CCDC146: variants seen among roughly 807,000 people sequenced by gnomAD.
The protein encoded by CCDC146 is coiled-coil domain containing 146, also known as coiled-coil domain-containing protein 146.
A neutral mutation model predicts 119.3 loss-of-function variants in CCDC146; 92 were observed. The ratio of observed to expected loss-of-function variants is 0.77; its 90% CI spans 0.65 to 0.92. The LOEUF (loss-of-function observed/expected upper bound fraction) is 0.92, where lower values mean the gene tolerates loss of function less well. Ranked by LOEUF, CCDC146 falls within the 40% of genes least tolerant of loss-of-function variation. CCDC146 has a pLI of 0.00. For missense variants in CCDC146, 1,000 were observed against 1,103.0 expected, an observed-to-expected ratio of 0.91 and a Z score of 1.32; for synonymous variants, 372 against 371.8, an observed-to-expected ratio of 1.00 and a Z score of -0.01.
chr7:77,258,699 G>A (rs1381940114), intron 6 of CCDC146, among the ~76,000 whole-genome samples: 1 of 152,114 alleles, frequency 6.6e-6, no homozygotes, highest in Admixed American at 6.5e-5. Flanking sequence ...ACTTACAACG[G>A]GTTTATTGGG....
At chr7:77,256,626 T>C in intron 6 of CCDC146, 117 bp downstream of exon 6, 1 of 768,094 alleles carries the variant, frequency 1.3e-6, no homozygotes, top group East Asian at 2.7e-5. Flanking sequence ...CAAACTGAAA[T>C]ATCTGCATTG....
intron 2 of CCDC146, among the ~76,000 whole-genome samples, chr7:77,182,430 T>A (rs774201544): frequency 6.6e-6 from 1 of 152,188 alleles, no homozygotes; most frequent in Non-Finnish European, 1.5e-5. Context: ...TACCATCTTA[T>A]AAAATTGCTT....
At chr7:77,234,628 G>T (rs1034978865) in intron 2 of CCDC146, among the ~76,000 whole-genome samples, 2 of 152,022 alleles carry the variant, frequency 1.3e-5, no homozygotes, top group Non-Finnish European at 2.9e-5. Flanking sequence ...CCACCTAATT[G>T]GGAGGCTGAG....
Position 77,260,179 on chromosome 7 carries a change from A to G in CCDC146, c.929A>G (p.Gln310Arg). 6.2e-7 allele frequency: 1 copy of G among 1,614,098 alleles called. No homozygotes were observed. Among genetic ancestry groups the G allele is most frequent in the East Asian group, 2.2e-5 (1 of 44,878 alleles). The change falls in exon 8 of 19, where the codon CAA (glutamine) becomes CGA (arginine). Residue 310 changes from glutamine (Q) to arginine (R), a missense_variant. By Grantham distance (43) the Gln-to-Arg change is conservative. Around this residue, in one of 2 missense-constraint regions of CCDC146, gnomAD observed 985 missense variants for 1,045.3 expected, o/e 0.94. Transcript: ENST00000285871. ...GAAATCAAAGAACGAGAACATAACCAATTGGTCAAGCTATTGGAATTAGCC... is the reference window on the plus strand; with the variant it reads ...GAAATCAAAGAACGAGAACATAACCGATTGGTCAAGCTATTGGAATTAGCC... ...LLEIKEREHN[Q>R]LVKLLELARE...
intron 9 of CCDC146, among the ~76,000 whole-genome samples, chr7:77,265,956 A>C (rs538194369): frequency 6.6e-6 from 1 of 152,358 alleles, no homozygotes; most frequent in Admixed American, 6.5e-5. Flanking sequence ...GTGTGTTGGC[A>C]TGACAAAGTG....
In CCDC146 at chr7:77,273,766, G is replaced by A. The variant is rs1447442297; in HGVS notation, c.1246G>A (p.Ala416Thr). 5.6e-6 allele frequency: 9 copies of A among 1,610,730 alleles called. No individual in the cohort carries two copies. In the African/African-American group the frequency reaches 9.4e-5, roughly 17 times the overall value. The part of the protein sequence containing the change: ...RRELHKEVEV[A>T]KRNLAQQKII... ...AGAGCTTCACAAGGAAGTTGAAGTA[G>A]CTAAGAGGAATTTGGCCCAACAGGT... is the stretch of plus-strand genomic sequence containing the variant. Residue 416 changes from alanine to threonine, a missense_variant, in exon 10 of 19, where the codon GCT becomes ACT. Around this residue, in one of 2 missense-constraint regions of CCDC146, gnomAD observed 985 missense variants for 1,045.3 expected, o/e 0.94. Transcript: ENST00000285871.
At chr7:77,187,469 TC>T (rs1303199655) in intron 2 of CCDC146, among the ~76,000 whole-genome samples, 1 of 152,216 alleles carries the variant, frequency 6.6e-6, no homozygotes. Flanking sequence ...TTAAAAAATT[TC>T]CCCTTTTTGG....
chr7:77,273,680 A>G lies in CCDC146; in HGVS notation c.1174-14A>G. ...TTCTTACATAAATGCATGTTTTTAA[A>G]TTTTGATTTCCAGATGGAAGCTATC... On this transcript the variant is annotated splice_polypyrimidine_tract_variant and intron_variant, in intron 9 of 18. Transcript: ENST00000285871. 1.3e-6 allele frequency: 2 copies of G among 1,587,962 alleles called. No individual in the cohort carries two copies. The highest frequency in any genetic ancestry group is 2.7e-5 in the African/African-American group (2 of 74,338).
chr7:77,293,150 G>A lies in CCDC146; in HGVS notation c.2614G>A (p.Val872Ile). The A allele has an allele frequency of 6.2e-7, 1 of 1,614,162 alleles. No individual in the cohort carries two copies. Among genetic ancestry groups the A allele is most frequent in the East Asian group, 2.2e-5 (1 of 44,886 alleles). Reference protein sequence around the residue: ...NKEIEKEWLKVLRDEEMHALA... With the variant: ...NKEIEKEWLKILRDEEMHALA... ...GGAAATTGAGAAAGAATGGTTGAAA[G>A]TCCTTCGAGATGAAGAAATGCACGC... Residue 872 changes from valine (V) to isoleucine (I), a missense_variant, in exon 18 of 19, where the codon GTC (valine) becomes ATC (isoleucine). Around this residue, in one of 2 missense-constraint regions of CCDC146, gnomAD observed 985 missense variants for 1,045.3 expected, o/e 0.94. Transcript: ENST00000285871.
At chr7:77,180,193 GTACCATATATA>G (rs1791564478) in intron 2 of CCDC146, among the ~76,000 whole-genome samples, 1 of 141,912 alleles carries the variant, frequency 7.0e-6, no homozygotes, top group Admixed American at 6.9e-5. Context: ...CCATATGTAT[GTACCATATATA>G]TGCACCCATA....
At chr7:77,255,866 T>G (rs1793168404) in intron 5 of CCDC146, among the ~76,000 whole-genome samples, 1 of 152,198 alleles carries the variant, frequency 6.6e-6, no homozygotes, top group African/African-American at 2.4e-5. Flanking sequence ...TGCAAAGTGT[T>G]GGGTATCCAA....
intron 2 of CCDC146, among the ~76,000 whole-genome samples, chr7:77,182,627 CA>C (rs1442339740): frequency 2.0e-5 from 3 of 151,964 alleles, no homozygotes; most frequent in East Asian, 1.9e-4. Context: ...AATAAACAAA[CA>C]AAAAACTACA....
At chr7:77,171,068 TCTC>T (rs1019481596) in intron 2 of CCDC146, among the ~76,000 whole-genome samples, 10 of 152,154 alleles carry the variant, frequency 6.6e-5, no homozygotes, top group Admixed American at 6.5e-4. Context: ...AATTTCTACT[TCTC>T]CACCACTACC....
At chr7:77,242,008 G>T (rs1406162142) in intron 4 of CCDC146, 108 bp downstream of exon 4, 2 of 787,470 alleles carry the variant, frequency 2.5e-6, no homozygotes, top group East Asian at 2.7e-5. Context: ...GCAGTACGAT[G>T]ATGATTGCAA....
intron 4 of CCDC146, among the ~76,000 whole-genome samples, chr7:77,244,571 C>G (rs1792910908): frequency 6.6e-6 from 1 of 152,218 alleles, no homozygotes; most frequent in African/African-American, 2.4e-5. Context: ...CTACAGTACT[C>G]AGTCCGGTAA....
chr7:77,252,994 G>A (rs973102006), intron 4 of CCDC146, among the ~76,000 whole-genome samples: 1 of 152,206 alleles, frequency 6.6e-6, no homozygotes, highest in Non-Finnish European at 1.5e-5. Context: ...TGTCCAGGAA[G>A]GGAAAATGGT....
At chr7:77,245,933 G>A (rs1792941503) in intron 4 of CCDC146, among the ~76,000 whole-genome samples, 1 of 151,888 alleles carries the variant, frequency 6.6e-6, no homozygotes, top group South Asian at 2.1e-4. Flanking sequence ...AACTTAGTTA[G>A]AACAGGTTTC....
In CCDC146 at chr7:77,274,672, C is replaced by T. The variant is rs1380654397; in HGVS notation, c.1440+20C>T. 6.3e-7 allele frequency: 1 copy of T among 1,594,238 alleles called. No individual in the cohort carries two copies. The highest frequency in any genetic ancestry group is 8.5e-7 in the Non-Finnish European group (1 of 1,169,652). On this transcript the variant is annotated intron_variant, in intron 11 of 18. Transcript: ENST00000285871. ...GCTCAGGTAACTGCATTTTTTTAAC[C>T]ATTCATTGATAACTACAAGAGTTCA...
intron 9 of CCDC146, among the ~76,000 whole-genome samples, chr7:77,270,733 A>G (rs1408400703): frequency 6.6e-6 from 1 of 152,186 alleles, no homozygotes; most frequent in African/African-American, 2.4e-5. Context: ...GGTAGGCACA[A>G]CCGGTTATTT....
Sources: allele counts gnomAD v4.1 joint callset (sites outside exome capture counted in the v4.1 genomes callset), GRCh38; gene constraint gnomAD v4.1.1; regional missense constraint gnomAD v4.1.1; transcripts MANE v1.5; gene names NCBI Gene and HGNC (gene_info 2026-07-23, HGNC 2026-07-21).